The following CD36 variants were observed in gnomAD, a reference collection of about 807,000 sequenced individuals.
CD36 encodes the protein CD36 molecule (CD36 blood group), also known as platelet glycoprotein 4.
A neutral mutation model predicts 55.2 loss-of-function variants in CD36; 119 were observed. The ratio of observed to expected loss-of-function variants is 2.15; its 90% CI spans 1.86 to 2.51. The LOEUF (loss-of-function observed/expected upper bound fraction) is 2.51, where lower values mean the gene tolerates loss of function less well. CD36 is among the 30% of genes most tolerant of loss of function. The probability of loss-of-function intolerance (pLI) is 0.00; values close to 1 mark genes in which losing one functional copy is unlikely to be tolerated. For synonymous variants in CD36, 186 were observed against 193.6 expected (o/e 0.96, Z 0.33); for missense variants, 819 against 555.5 (o/e 1.47, Z -4.77).
chr7:80,676,250 T>G (rs1798160933), intron 14 of CD36, 134 bp from the exon 15 acceptor site: 1 of 152,130 alleles, frequency 6.6e-6, no homozygotes, highest in South Asian at 2.1e-4. Context: ...ACTATTTCTT[T>G]TTTTGCACTA....
In CD36 at chr7:80,671,954, C is replaced by T. The variant is rs1407835103; in HGVS notation, c.1039C>T (p.Leu347=). 2 of 1,611,042 alleles carry T rather than the reference C, an allele frequency of 1.2e-6. No individual in the cohort carries two copies. The highest frequency in any genetic ancestry group is 4.5e-5 in the East Asian group (2 of 44,672). The part of the protein sequence containing the change: ...RPVYISLPHF[L]YASPDVSEPI... Reference sequence around the variant, plus strand: ...TGTGTACATTTCACTTCCTCATTTTCTGTATGCAAGTCCTGATGTTTCAGA... The same window carrying T: ...TGTGTACATTTCACTTCCTCATTTTTTGTATGCAAGTCCTGATGTTTCAGA... The change falls in exon 11 of 15, where the codon CTG becomes TTG. Residue 347 remains leucine, a synonymous_variant. Coordinates refer to ENST00000447544, the MANE Select transcript of CD36 (RefSeq NM_001001548.3).
intron 1 of CD36, among the ~76,000 whole-genome samples, chr7:80,624,706 C>T (rs1313631970): frequency 1.3e-5 from 2 of 151,982 alleles, no homozygotes; most frequent in Non-Finnish European, 2.9e-5. Flanking sequence ...ACCCTGTCTC[C>T]TGTCTCTACC....
chr7:80,671,197 C>A, intron 10 of CD36, 33 bp downstream of exon 10: 2 of 1,407,034 alleles, frequency 1.4e-6, no homozygotes, highest in Non-Finnish European at 2.0e-6. Context: ...ACAGTCCATA[C>A]CATAATTTGT....
intron 12 of CD36, chr7:80,673,127 G>A (rs984791232): frequency 1.2e-5 from 6 of 501,360 alleles, no homozygotes; most frequent in East Asian, 3.2e-5. Context: ...TCAGTTCCCC[G>A]AGAATTTATT....
intron 9 of CD36, 174 bp downstream of exon 9, chr7:80,670,196 C>CAAAAAAAAAAAAA: frequency 1.7e-6 from 1 of 593,886 alleles, no homozygotes; most frequent in Middle Eastern, 4.0e-4. Flanking sequence ...TTTTTTTTGC[C>CAAAAAAAAAAAAA]ATTTCTATCT....
chr7:80,664,840 TA>T (rs199758935), intron 7 of CD36, among the ~76,000 whole-genome samples: 1,158 of 97,350 alleles, frequency 0.012, 46 homozygotes, highest in East Asian at 0.11. Context: ...TAGATAACCA[TA>T]AATGAAAAGG....
intron 1 of CD36, among the ~76,000 whole-genome samples, chr7:80,614,840 G>A (rs1445630854): frequency 1.3e-5 from 2 of 152,034 alleles, no homozygotes; most frequent in African/African-American, 4.8e-5. Context: ...TCGCTTCAAC[G>A]AATGCCAATA....
At chr7:80,666,120 C>T (rs1458515217) in intron 7 of CD36, 2 of 322,182 alleles carry the variant, frequency 6.2e-6, no homozygotes, top group East Asian at 7.3e-5. Flanking sequence ...TCATGTATCC[C>T]ATTGGAAAAA....
chr7:80,610,047 G>A (rs533184832), intron 1 of CD36, among the ~76,000 whole-genome samples: 12 of 152,252 alleles, frequency 7.9e-5, no homozygotes, highest in African/African-American at 2.6e-4. Flanking sequence ...AACAAGGACT[G>A]GCAAGTGAAT....
intron 1 of CD36, among the ~76,000 whole-genome samples, chr7:80,614,442 G>T (rs1246357144): frequency 3.3e-5 from 5 of 152,042 alleles, no homozygotes; most frequent in Admixed American, 3.3e-4. Context: ...TAAAAAGCAG[G>T]TTTATACAAT....
At chr7:80,672,972 T>TTGGTGA in intron 12 of CD36, 129 bp downstream of exon 12, 1 of 704,352 alleles carries the variant, frequency 1.4e-6, no homozygotes, top group South Asian at 1.6e-5. Context: ...TAGCTTAATG[T>TTGGTGA]CACCAATCAT....
rs1457032972 is a variant in CD36 at position 80,678,824 on chromosome 7, C to G, written c.*2441C>G. On this transcript the variant is annotated 3_prime_UTR_variant, in exon 15 of 15. Coordinates refer to ENST00000447544, the MANE Select transcript of CD36 (RefSeq NM_001001548.3). Reference sequence around the variant, plus strand: ...GCGTCACTGCACTCCAGCCTGGTGACAGAGCGAGATTCCATCTCAAAAAAA... The same window carrying G: ...GCGTCACTGCACTCCAGCCTGGTGAGAGAGCGAGATTCCATCTCAAAAAAA... 4.1e-5 allele frequency: 6 copies of G among 147,498 alleles called. No homozygotes were observed. Among genetic ancestry groups the G allele is most frequent in the East Asian group, 2.0e-4 (1 of 4,918 alleles). The allele number at this position is 147,498 out of a possible 1,614,324, so 9.1% of individuals were successfully genotyped here.
chr7:80,620,273 G>A (rs189674840), intron 1 of CD36, among the ~76,000 whole-genome samples: 10 of 152,120 alleles, frequency 6.6e-5, no homozygotes, highest in East Asian at 5.8e-4. Flanking sequence ...CACAGGTTGC[G>A]AGCTTAGTCC....
rs532393487 is a variant in CD36 at position 80,629,277 on chromosome 7, G to A, written c.-183-16811G>A. Among the ~76,000 whole-genome samples, 208 of 152,082 alleles carry A rather than the reference G, an allele frequency of 1.4e-3. 1 individual carries two copies. Among genetic ancestry groups the A allele is most frequent in the African/African-American group, 4.9e-3 (203 of 41,522 alleles). On this transcript the variant is annotated intron_variant, in intron 1 of 13. Coordinates refer to the CD36 transcript ENST00000309881. The stretch of plus-strand genomic sequence containing the variant: ...TGAGGTTGTAAGAGGGCCTCCAGCA[G>A]CATGGCTGTAGGCTTCCTCCTTATA...
Position 80,609,451 on chromosome 7 carries a change from C to T in CD36, c.-184+7072C>T, listed in dbSNP as rs559068864. Among the ~76,000 whole-genome samples, 113 of 152,272 alleles carry T rather than the reference C, an allele frequency of 7.4e-4. 1 individual carries two copies. Among genetic ancestry groups the T allele is most frequent in the African/African-American group, 2.5e-3 (105 of 41,558 alleles). On this transcript the variant is annotated intron_variant, in intron 1 of 13. Coordinates refer to the CD36 transcript ENST00000309881. The stretch of plus-strand genomic sequence containing the variant: ...AACACCTTCTCTCCCTCACCATTCA[C>T]TCTTCCTACCTGAGTGTAGATGTCA...
In CD36 at chr7:80,677,738, G is replaced by A. The variant is rs1798205031; in HGVS notation, c.*1355G>A. On this transcript the variant is annotated 3_prime_UTR_variant, in exon 15 of 15. Transcript: ENST00000447544. The stretch of plus-strand genomic sequence containing the variant: ...TATAAAGGAAAGTTTTTTAATCATT[G>A]AGGCATGTAGGGCTGAGTTATATAA... 1.3e-5 allele frequency: 2 copies of A among 152,142 alleles called. No individual in the cohort carries two copies. The highest frequency in any genetic ancestry group is 2.9e-5 in the Non-Finnish European group (2 of 68,036). The allele number at this position is 152,142 out of a possible 1,614,324, so 9.4% of individuals were successfully genotyped here. A position where few individuals can be genotyped will look rare whatever the true frequency, so the allele number is the denominator to read the frequency against.
At chr7:80,639,429 C>T (rs1297608500) in intron 1 of CD36, among the ~76,000 whole-genome samples, 3 of 151,130 alleles carry the variant, frequency 2.0e-5, no homozygotes, top group African/African-American at 4.9e-5. Flanking sequence ...AATTTTTTTT[C>T]GATTCAGGAA....
At position 80,676,965 on chromosome 7, in the gene CD36, C is replaced by A. The variant is rs1329893596; in HGVS notation, c.*582C>A. Reference sequence around the variant, plus strand: ...ATAATATTTTTTGCTGTCATAATCGCCTCATAAAGACAGGTTTCAACCATT... The same window carrying A: ...ATAATATTTTTTGCTGTCATAATCGACTCATAAAGACAGGTTTCAACCATT... On this transcript the variant is annotated 3_prime_UTR_variant, in exon 15 of 15. Coordinates refer to ENST00000447544, the MANE Select transcript of CD36 (RefSeq NM_001001548.3). 6.6e-6 allele frequency: 1 copy of A among 152,112 alleles called. No individual in the cohort carries two copies. Among genetic ancestry groups the A allele is most frequent in the Non-Finnish European group, 1.5e-5 (1 of 68,028 alleles). 9.4% of individuals were successfully genotyped at this position (152,112 alleles called of 1,614,324 possible). A position where few individuals can be genotyped will look rare whatever the true frequency, so the allele number is the denominator to read the frequency against.
rs1796085724 is a variant in CD36 at position 80,656,525 on chromosome 7, TTTTC to T, written c.121-11_121-8del. 1 of 1,612,694 alleles carries T rather than the reference TTTTC, an allele frequency of 6.2e-7. No individual in the cohort carries two copies. Among genetic ancestry groups the T allele is most frequent in the South Asian group, 1.1e-5 (1 of 90,990 alleles). ...ACTACAAAGACATAACCCAAACTTA[TTTTC>T]TTTTTCATAGCAAGTTGTCCTCGAA... is the stretch of plus-strand genomic sequence containing the variant. On this transcript the variant is annotated splice_polypyrimidine_tract_variant and intron_variant, in intron 3 of 14. Coordinates refer to ENST00000447544, the MANE Select transcript of CD36 (RefSeq NM_001001548.3).
Sources: gnomAD v4.1 joint callset for allele counts (sites outside exome capture counted in the v4.1 genomes callset) on GRCh38, gnomAD v4.1.1 for gene constraint, MANE v1.5 for transcripts, NCBI Gene and HGNC (gene_info 2026-07-23, HGNC 2026-07-21) for gene names.